RAB3C: variants seen among roughly 807,000 people sequenced by gnomAD.
RAB3C encodes the protein ras-related protein Rab-3C.
RAB3C carries 17 observed loss-of-function variants against 26.4 expected under a neutral mutation model. That is an observed-to-expected ratio of 0.64 (90% CI 0.44 to 0.97). The LOEUF (loss-of-function observed/expected upper bound fraction) is 0.97. Among genes scored for constraint, RAB3C ranks in the 50% least tolerant of loss-of-function variants. The pLI, the probability that RAB3C is intolerant of heterozygous loss-of-function variation, is 0.00. For missense variants in RAB3C, 242 were observed against 281.9 expected (o/e 0.86, Z 1.01); for synonymous variants, 91 against 95.9 (o/e 0.95, Z 0.30).
At position 58,611,087 on chromosome 5, in the gene RAB3C, A is replaced by G. The variant is rs1746690681; in HGVS notation, c.25-6556A>G. ...CCATGTTCCTGCAAAAGACATTTTT[A>G]TGGCTGCATAGGATTGCCACATTTT... On this transcript the variant is annotated intron_variant, in intron 1 of 4. Transcript: ENST00000282878. Among the ~76,000 whole-genome samples, 3 of 151,474 alleles carry G rather than the reference A, an allele frequency of 2.0e-5. No homozygotes were observed. In the South Asian group the frequency reaches 6.2e-4, roughly 31 times the overall value.
chr5:58,693,322 T>TTATATATATATATATA (rs1554048040), intron 2 of RAB3C, among the ~76,000 whole-genome samples: 1 of 75,238 alleles, frequency 1.3e-5, no homozygotes, highest in African/African-American at 6.7e-5. Context: ...AATTAAGAAA[T>TTATATATATATATATA]TATATATATA....
At chr5:58,739,838 C>A (rs1349341640) in intron 3 of RAB3C, among the ~76,000 whole-genome samples, 1 of 152,182 alleles carries the variant, frequency 6.6e-6, no homozygotes, top group Non-Finnish European at 1.5e-5. Flanking sequence ...CTATTGTATC[C>A]TACAACCTAA....
intron 3 of RAB3C, among the ~76,000 whole-genome samples, chr5:58,770,175 G>A (rs1046986646): frequency 6.6e-6 from 1 of 152,180 alleles, no homozygotes; most frequent in Non-Finnish European, 1.5e-5. Context: ...GAATGGCTCA[G>A]TGATGTTGCA....
intron 4 of RAB3C, among the ~76,000 whole-genome samples, chr5:58,846,285 C>T (rs923494871): frequency 3.3e-5 from 5 of 152,072 alleles, no homozygotes; most frequent in African/African-American, 1.2e-4. Flanking sequence ...CTTAAATGTG[C>T]GTAAGAAACC....
chr5:58,686,346 C>T (rs1456972532), intron 2 of RAB3C, among the ~76,000 whole-genome samples: 5 of 152,004 alleles, frequency 3.3e-5, no homozygotes. Context: ...CTAGTCACTA[C>T]TGTATTATTT....
chr5:58,693,922 A>G (rs1270729734), intron 2 of RAB3C, among the ~76,000 whole-genome samples: 4 of 151,542 alleles, frequency 2.6e-5, no homozygotes, highest in African/African-American at 9.7e-5. Context: ...CATCTGTTCA[A>G]TTTTTTTTTA....
chr5:58,658,131 G>T (rs1440979387), intron 2 of RAB3C, among the ~76,000 whole-genome samples: 1 of 152,170 alleles, frequency 6.6e-6, no homozygotes, highest in Non-Finnish European at 1.5e-5. Flanking sequence ...TGCAGGTATA[G>T]TATTAGACAA....
chr5:58,811,669 C>G (rs895563486), intron 3 of RAB3C, among the ~76,000 whole-genome samples: 6 of 152,060 alleles, frequency 3.9e-5, no homozygotes, highest in Non-Finnish European at 8.8e-5. Flanking sequence ...AGATACAGAG[C>G]TGGCTGGGAG....
At chr5:58,822,730 G>A (rs190160263) in intron 3 of RAB3C, 63 of 483,862 alleles carry the variant, frequency 1.3e-4, no homozygotes, top group African/African-American at 1.8e-4. Context: ...GGTAGTCTGC[G>A]CAGCATATGT....
At chr5:58,843,912 A>G (rs1192865694) in intron 4 of RAB3C, among the ~76,000 whole-genome samples, 1 of 152,186 alleles carries the variant, frequency 6.6e-6, no homozygotes, top group Middle Eastern at 3.2e-3. Context: ...ATTAACAGAA[A>G]TCTATTCTTT....
intron 2 of RAB3C, among the ~76,000 whole-genome samples, chr5:58,627,442 G>C (rs1236528480): frequency 1.3e-5 from 1 of 77,480 alleles, no homozygotes; most frequent in Non-Finnish European, 2.5e-5. Flanking sequence ...TCCGCAGTCC[G>C]GCCTGGGCGA....
intron 4 of RAB3C, among the ~76,000 whole-genome samples, chr5:58,849,652 G>A (rs1455829433): frequency 6.6e-6 from 1 of 152,142 alleles, no homozygotes; most frequent in Admixed American, 6.6e-5. Context: ...ATAGAACCTT[G>A]ACTCTACTGA....
intron 3 of RAB3C, among the ~76,000 whole-genome samples, chr5:58,795,642 A>AAAG (rs764975245): frequency 3.2e-4 from 48 of 152,190 alleles, no homozygotes; most frequent in Non-Finnish European, 6.2e-4. Flanking sequence ...GCTCAGGAGA[A>AAAG]AAGAAGACAG....
At chr5:58,762,545 TA>T (rs1741818466) in intron 3 of RAB3C, among the ~76,000 whole-genome samples, 1 of 152,064 alleles carries the variant, frequency 6.6e-6, no homozygotes, top group African/African-American at 2.4e-5. Context: ...ATACAAAAAT[TA>T]GCTGGGCGTC....
rs1186290365 is a variant in RAB3C at position 58,855,237 on chromosome 5, T to G, written c.*3886T>G. ...ATACCAAGCTGAGGTAGGTAACACC[T>G]GCATGTGAAAAACTGTGATATGAAT... is the stretch of plus-strand genomic sequence containing the variant. On this transcript the variant is annotated 3_prime_UTR_variant, in exon 5 of 5. Transcript: ENST00000282878. The G allele has an allele frequency of 6.6e-6, 1 of 152,208 alleles. No individual in the cohort carries two copies. The highest frequency in any genetic ancestry group is 1.5e-5 in the Non-Finnish European group (1 of 68,036). 9.4% of individuals were successfully genotyped at this position (152,208 alleles called of 1,614,324 possible).
chr5:58,591,606 AT>A lies in RAB3C; in HGVS notation c.24+8375del, dbSNP rs376656387. On this transcript the variant is annotated intron_variant, in intron 1 of 4. Coordinates refer to ENST00000282878, the MANE Select transcript of RAB3C (RefSeq NM_138453.4). The stretch of plus-strand genomic sequence containing the variant: ...TCATAGTATATATATATATATATAT[AT>A]AATTTTATTTATTTTCAACTTATAT... Among the ~76,000 whole-genome samples, 130 of 38,218 alleles carry A rather than the reference AT, an allele frequency of 3.4e-3. 1 individual carries two copies. The highest frequency in any genetic ancestry group is 0.016 in the Middle Eastern group (1 of 64). The allele number at this position is 38,218 out of a possible 152,430, so 25.1% of individuals were successfully genotyped here. A position where few individuals can be genotyped will look rare whatever the true frequency, so the allele number is the denominator to read the frequency against.
chr5:58,687,980 A>C (rs1748481361), intron 2 of RAB3C, among the ~76,000 whole-genome samples: 1 of 152,082 alleles, frequency 6.6e-6, no homozygotes, highest in South Asian at 2.1e-4. Flanking sequence ...CATCTTAGAC[A>C]CTAGATGAAT....
In RAB3C at chr5:58,651,861, G is replaced by A. The variant is rs112840031; in HGVS notation, c.252+33991G>A. On this transcript the variant is annotated intron_variant, in intron 2 of 4. Coordinates refer to ENST00000282878, the MANE Select transcript of RAB3C (RefSeq NM_138453.4). ...AAATGGTGTAGTGTTTACATATAAC[G>A]TACGCACATCCTCTGCATACTTTAA... is the stretch of plus-strand genomic sequence containing the variant. Among the ~76,000 whole-genome samples the A allele has an allele frequency of 5.6e-3, 856 of 152,204 alleles. 4 individuals are homozygous for A. Among genetic ancestry groups the A allele is most frequent in the Non-Finnish European group, 8.8e-3 (595 of 67,996 alleles).
intron 1 of RAB3C, among the ~76,000 whole-genome samples, chr5:58,604,638 G>C (rs1463832767): frequency 6.6e-6 from 1 of 152,194 alleles, no homozygotes; most frequent in Non-Finnish European, 1.5e-5. Flanking sequence ...CTGAAGGGCT[G>C]GTCTCACTCA....
Sources: gnomAD v4.1 joint callset for allele counts (sites outside exome capture counted in the v4.1 genomes callset) on GRCh38, gnomAD v4.1.1 for gene constraint, MANE v1.5 for transcripts, NCBI Gene and HGNC (gene_info 2026-07-23, HGNC 2026-07-21) for gene names.